The following GALNT18 variants were observed in gnomAD, a reference collection of about 807,000 sequenced individuals.
GALNT18 encodes the protein polypeptide N-acetylgalactosaminyltransferase 18.
In GALNT18, 44 loss-of-function variants were observed where a neutral mutation model predicts 69.5. The ratio of observed to expected loss-of-function variants is 0.63; its 90% CI spans 0.50 to 0.81. The LOEUF (loss-of-function observed/expected upper bound fraction) is 0.81. GALNT18 is among the 40% of genes least tolerant of loss of function. The probability of loss-of-function intolerance (pLI) is 0.00; values close to 1 mark genes in which losing one functional copy is unlikely to be tolerated. For missense variants in GALNT18, 715 were observed against 810.0 expected (o/e 0.88, Z 1.42); for synonymous variants, 364 against 318.2 (o/e 1.14, Z -1.53).
intron 1 of GALNT18, among the ~76,000 whole-genome samples, chr11:11,502,804 T>C (rs1388806393): frequency 6.6e-6 from 1 of 152,228 alleles, no homozygotes; most frequent in Non-Finnish European, 1.5e-5. Flanking sequence ...AGGCGTAGCG[T>C]ATCCTCAGAT....
chr11:11,560,575 G>A (rs1026625155), intron 1 of GALNT18, among the ~76,000 whole-genome samples: 14 of 152,210 alleles, frequency 9.2e-5, no homozygotes, highest in Non-Finnish European at 1.6e-4. Context: ...CTGTCAAGGA[G>A]TTCAGCTGGA....
At position 11,404,167 on chromosome 11, in the gene GALNT18, G is replaced by A. The variant is rs913642649; in HGVS notation, c.596-24903C>T. The stretch of plus-strand genomic sequence containing the variant: ...TGAAACGGGCTTTCTCTTCCGTAAA[G>A]GAGTGAGTGTCTAGGGGAGTTCATG... On this transcript the variant is annotated intron_variant, in intron 3 of 10. Transcript: ENST00000227756. This position sits in a 1 kb window ranked among gnomAD's most constrained non-coding sequence, Gnocchi z 4.5. Among the ~76,000 whole-genome samples the A allele has an allele frequency of 6.6e-6, 1 of 152,226 alleles. No individual in the cohort carries two copies. Among genetic ancestry groups the A allele is most frequent in the Non-Finnish European group, 1.5e-5 (1 of 68,038 alleles).
intron 1 of GALNT18, among the ~76,000 whole-genome samples, chr11:11,458,988 A>G (rs1200675726): frequency 6.6e-6 from 1 of 152,168 alleles, no homozygotes; most frequent in East Asian, 1.9e-4. Flanking sequence ...TTTGCGTTTT[A>G]CTTGAGCGAG....
At chr11:11,283,123 G>T (rs953623492) in intron 10 of GALNT18, among the ~76,000 whole-genome samples, 2 of 152,104 alleles carry the variant, frequency 1.3e-5, no homozygotes, top group Non-Finnish European at 2.9e-5. Context: ...CGGGTAAGTG[G>T]ATAGGGCCTT....
Position 11,332,588 on chromosome 11 carries a change from G to A in GALNT18, c.1416+106C>T. On this transcript the variant is annotated intron_variant, in intron 8 of 10. Coordinates refer to ENST00000227756, the MANE Select transcript of GALNT18 (RefSeq NM_198516.3). This position sits in a 1 kb window ranked among gnomAD's most constrained non-coding sequence, Gnocchi z 4.3. Reference sequence around the variant, plus strand: ...GCGCCCGGTCCCCAGGCCTACTGCAGTTCTTCATGTGAGCAGCTGAGAGGC... The same window carrying A: ...GCGCCCGGTCCCCAGGCCTACTGCAATTCTTCATGTGAGCAGCTGAGAGGC... 1 of 1,348,986 alleles carries A rather than the reference G, an allele frequency of 7.4e-7. No individual in the cohort carries two copies. Among genetic ancestry groups the A allele is most frequent in the Non-Finnish European group, 1.0e-6 (1 of 968,092 alleles). The allele number at this position is 1,348,986 out of a possible 1,614,324, so 83.6% of individuals were successfully genotyped here.
intron 1 of GALNT18, among the ~76,000 whole-genome samples, chr11:11,574,396 A>G (rs7934758): frequency 0.27 from 40,487 of 152,096 alleles, 7,210 homozygotes; most frequent in African/African-American, 0.5. Context: ...TGGGTGAACC[A>G]TCTCCCTGGT....
At chr11:11,556,698 A>G (rs1199653541) in intron 1 of GALNT18, among the ~76,000 whole-genome samples, 1 of 152,232 alleles carries the variant, frequency 6.6e-6, no homozygotes, top group Non-Finnish European at 1.5e-5. Flanking sequence ...CGCTATTTGC[A>G]GGGAACAAAC....
In GALNT18 at chr11:11,517,188, T is replaced by C. The variant is rs1357275492; in HGVS notation, c.236-68252A>G. Among the ~76,000 whole-genome samples, 5 of 152,228 alleles carry C rather than the reference T, an allele frequency of 3.3e-5. No individual in the cohort carries two copies. In the East Asian group the frequency reaches 7.7e-4, roughly 23 times the overall value. On this transcript the variant is annotated intron_variant, in intron 1 of 10. Coordinates refer to ENST00000227756, the MANE Select transcript of GALNT18 (RefSeq NM_198516.3). The stretch of plus-strand genomic sequence containing the variant: ...ACTATAAAAAACAAATTCTTTTGTT[T>C]ATAAGCCACCCAGTCTACAGTGTCT...
At chr11:11,305,262 T>C (rs916124490) in intron 9 of GALNT18, among the ~76,000 whole-genome samples, 1 of 152,186 alleles carries the variant, frequency 6.6e-6, no homozygotes, top group Non-Finnish European at 1.5e-5. Flanking sequence ...TATCAGCTGC[T>C]TTTGACAAGA....
intron 6 of GALNT18, among the ~76,000 whole-genome samples, chr11:11,364,588 G>A (rs1161147868): frequency 6.6e-6 from 1 of 150,812 alleles, no homozygotes; most frequent in Admixed American, 6.6e-5. Context: ...ATATTCAGTA[G>A]ATTATGGAGA....
intron 1 of GALNT18, among the ~76,000 whole-genome samples, chr11:11,567,864 A>G (rs925807361): frequency 1.3e-5 from 2 of 152,312 alleles, no homozygotes; most frequent in African/African-American, 2.4e-5. Context: ...TAAACATCCT[A>G]TATATCTTCC....
intron 10 of GALNT18, among the ~76,000 whole-genome samples, chr11:11,286,096 G>A (rs1168412880): frequency 1.3e-5 from 2 of 152,140 alleles, no homozygotes; most frequent in African/African-American, 4.8e-5. Flanking sequence ...GGGGTGTGGT[G>A]TCTGCCCTGC....
At position 11,423,219 on chromosome 11, in the gene GALNT18, T is replaced by C. The variant is rs372747934; in HGVS notation, c.595+9402A>G. 6.6e-5 allele frequency among the ~76,000 whole-genome samples: 10 copies of C among 152,280 alleles called. No individual in the cohort carries two copies. In the East Asian group the frequency reaches 1.2e-3, roughly 18 times the overall value. On this transcript the variant is annotated intron_variant, in intron 3 of 10. Transcript: ENST00000227756. ...ACTTGTATGCATGAATATGAACACATGGATATGCATGCAAGGCATGCACAC... is the reference window on the plus strand; with the variant it reads ...ACTTGTATGCATGAATATGAACACACGGATATGCATGCAAGGCATGCACAC...
At chr11:11,333,445 A>G (rs1850053789) in intron 7 of GALNT18, among the ~76,000 whole-genome samples, 1 of 152,234 alleles carries the variant, frequency 6.6e-6, no homozygotes, top group Non-Finnish European at 1.5e-5. Context: ...ATGAGTTGAG[A>G]CAAAGAGAGG....
intron 1 of GALNT18, among the ~76,000 whole-genome samples, chr11:11,513,931 C>T (rs1326612633): frequency 2.0e-5 from 3 of 152,074 alleles, no homozygotes; most frequent in Admixed American, 6.6e-5. Context: ...GAATGGGTCA[C>T]GGGTGGAAAA....
chr11:11,486,159 G>A (rs1856641043), intron 1 of GALNT18, among the ~76,000 whole-genome samples: 1 of 152,154 alleles, frequency 6.6e-6, no homozygotes, highest in South Asian at 2.1e-4. Flanking sequence ...GGAGCGAGTA[G>A]GCCTGCTGGC....
chr11:11,561,252 T>C (rs2133983667), intron 1 of GALNT18, among the ~76,000 whole-genome samples: 1 of 152,250 alleles, frequency 6.6e-6, no homozygotes, highest in East Asian at 1.9e-4. Flanking sequence ...CCACCTTCTC[T>C]TAATAGAAAT....
At chr11:11,539,547 G>T (rs1857864310) in intron 1 of GALNT18, among the ~76,000 whole-genome samples, 1 of 152,138 alleles carries the variant, frequency 6.6e-6, no homozygotes, top group African/African-American at 2.4e-5. Context: ...ATTCACCCCT[G>T]CCCTTCAGAA....
chr11:11,502,980 G>A (rs1051885305), intron 1 of GALNT18, among the ~76,000 whole-genome samples: 34 of 152,266 alleles, frequency 2.2e-4, no homozygotes, highest in African/African-American at 6.0e-4. Context: ...TGCAGTTCCC[G>A]TCAAAATGTT....
Sources: gnomAD v4.1 joint callset for allele counts (sites outside exome capture counted in the v4.1 genomes callset) on GRCh38, gnomAD v4.1.1 for gene constraint, Gnocchi (gnomAD v3.1) non-coding constraint, MANE v1.5 for transcripts, NCBI Gene and HGNC (gene_info 2026-07-23, HGNC 2026-07-21) for gene names.